MYT1: variants seen among roughly 807,000 people sequenced by gnomAD.
MYT1 encodes myelin transcription factor I.
In MYT1, 23 loss-of-function variants were observed where a neutral mutation model predicts 123.0. That is an observed-to-expected ratio of 0.19 (90% CI 0.13 to 0.26). The LOEUF (loss-of-function observed/expected upper bound fraction) is 0.26. Ranked by LOEUF, MYT1 falls within the 10% of genes least tolerant of loss-of-function variation. The pLI is 1.00. For synonymous variants in MYT1, 518 were observed against 575.3 expected, an observed-to-expected ratio of 0.90 and a Z score of 1.43; for missense variants, 1,125 against 1,472.5, an observed-to-expected ratio of 0.76 and a Z score of 3.86.
Position 64,193,856 on chromosome 20 carries a change from C to G in MYT1, c.-1+3696C>G, listed in dbSNP as rs987281302. ...TTTAAAGAATAGTTGTAAGTCCATT[C>G]TAATTCTCCAGATTTGCTGGCTGTC... On this transcript the variant is annotated intron_variant, in intron 2 of 22. Transcript: ENST00000328439. The surrounding 1 kb of genome is among the most constrained non-coding windows in gnomAD (Gnocchi z 4.0). Among the ~76,000 whole-genome samples, 40 of 152,088 alleles carry G rather than the reference C, an allele frequency of 2.6e-4. No homozygotes were observed. Among genetic ancestry groups the G allele is most frequent in the Admixed American group, 1.9e-3 (29 of 15,262 alleles).
rs144093789 is a variant in MYT1 at position 64,240,420 on chromosome 20, A to T, written c.3338A>T (p.Lys1113Met). 6.2e-7 allele frequency: 1 copy of T among 1,613,740 alleles called. No individual in the cohort carries two copies. The highest frequency in any genetic ancestry group is 1.1e-5 in the South Asian group (1 of 91,070). ...PENKDLLESI[K>M]QAVRGIQV ...AACAAGGACCTCCTGGAGAGCATCA[A>T]GCAGGCTGTGAGGGGCATCCAGGTC... Residue 1113 changes from lysine (K) to methionine (M), a missense_variant, in exon 23 of 23, where the codon AAG becomes ATG. By Grantham distance (95) the Lys-to-Met change is moderately conservative (BLOSUM62 -1). Coordinates refer to ENST00000328439, the MANE Select transcript of MYT1 (RefSeq NM_004535.3).
At chr20:64,224,944 G>A (rs1206118162) in intron 16 of MYT1, among the ~76,000 whole-genome samples, 1 of 152,204 alleles carries the variant, frequency 6.6e-6, no homozygotes, top group Non-Finnish European at 1.5e-5. Context: ...GGCCGTCTGG[G>A]AGAGTTAGTG....
chr20:64,227,995 T>A (rs771099668), intron 18 of MYT1, 24 bp downstream of exon 18: 1 of 1,604,804 alleles, frequency 6.2e-7, no homozygotes, highest in Non-Finnish European at 8.5e-7. Context: ...TGCTGGCTCT[T>A]TCATTGCATT....
At chr20:64,220,437 C>T (rs892142654) in intron 13 of MYT1, among the ~76,000 whole-genome samples, 5 of 152,206 alleles carry the variant, frequency 3.3e-5, no homozygotes, top group South Asian at 2.1e-4. Flanking sequence ...GGCTTAGGAT[C>T]GCCCATGGTG....
At chr20:64,214,989 C>A (rs1199880168) in intron 10 of MYT1, among the ~76,000 whole-genome samples, 1 of 152,212 alleles carries the variant, frequency 6.6e-6, no homozygotes, top group African/African-American at 2.4e-5. Context: ...GACTTGCCTT[C>A]CTGCTCTGTG....
intron 19 of MYT1, among the ~76,000 whole-genome samples, chr20:64,234,932 A>T (rs142732827): frequency 0.056 from 3,920 of 69,418 alleles, 210 homozygotes; most frequent in African/African-American, 0.21. Context: ...TTGGCTGGCC[A>T]TGGTGGGTGA....
At chr20:64,198,722 C>T in intron 2 of MYT1, 140 bp from the exon 3 acceptor site, 1 of 833,324 alleles carries the variant, frequency 1.2e-6, no homozygotes, top group Non-Finnish European at 2.0e-6. Flanking sequence ...GTCCTGTGAG[C>T]CCATCCTTGT....
chr20:64,198,592 A>G (rs1274850456), intron 2 of MYT1, among the ~76,000 whole-genome samples: 1 of 152,216 alleles, frequency 6.6e-6, no homozygotes, highest in Non-Finnish European at 1.5e-5. Context: ...ACCTGGGGGC[A>G]CGGTGCACTG....
At position 64,169,208 on chromosome 20, in the gene MYT1, A is replaced by C. The variant is rs139459928; in HGVS notation, c.-99+4469A>C. Among the ~76,000 whole-genome samples the C allele has an allele frequency of 2.9e-3, 445 of 152,128 alleles. 4 individuals carry two copies. The highest frequency in any genetic ancestry group is 0.025 in the South Asian group (121 of 4,792). ...AGGAGAGTGGGAGTTTGGATGCTCCATGGTGCACCAAGGCCTGCTTTAGAA... is the reference window on the plus strand; with the variant it reads ...AGGAGAGTGGGAGTTTGGATGCTCCCTGGTGCACCAAGGCCTGCTTTAGAA... On this transcript the variant is annotated intron_variant, in intron 1 of 22. Coordinates refer to ENST00000328439, the MANE Select transcript of MYT1 (RefSeq NM_004535.3).
chr20:64,208,090 GGAA>G lies in MYT1; in HGVS notation c.897_899del (p.Glu306del). On this transcript the variant is annotated inframe_deletion, in exon 7 of 23. Transcript: ENST00000328439. This position sits in a 1 kb window ranked among gnomAD's most constrained non-coding sequence, Gnocchi z 5.4. ...AGGAAGAGGAAGAGGAGGAGGAAGAGGAAGAGGAAGAGGAGGAGGAGGAGGCAG... is the reference window on the plus strand; with the variant it reads ...AGGAAGAGGAAGAGGAGGAGGAAGAGGAGGAAGAGGAGGAGGAGGAGGCAG... 27 of 1,608,944 alleles carry G rather than the reference GGAA, an allele frequency of 1.7e-5. No individual in the cohort carries two copies. The highest frequency in any genetic ancestry group is 2.3e-5 in the Non-Finnish European group (27 of 1,177,986).
intron 1 of MYT1, among the ~76,000 whole-genome samples, chr20:64,178,237 C>T (rs907274457): frequency 6.6e-6 from 1 of 152,220 alleles, no homozygotes; most frequent in Non-Finnish European, 1.5e-5. Context: ...TTCTCCTGAG[C>T]GTTTGAGAGC....
intron 18 of MYT1, among the ~76,000 whole-genome samples, chr20:64,230,949 G>A (rs773822919): frequency 5.3e-5 from 8 of 152,164 alleles, no homozygotes; most frequent in East Asian, 1.9e-4. Context: ...GGAGCCGGAC[G>A]CTGCCCTCCC....
intron 13 of MYT1, among the ~76,000 whole-genome samples, chr20:64,220,248 A>T (rs540696166): frequency 7.2e-5 from 11 of 152,328 alleles, no homozygotes; most frequent in Admixed American, 7.2e-4. Flanking sequence ...CCTGTGGAGC[A>T]TGGTGGCCAG....
chr20:64,188,963 G>A (rs1031468660), intron 1 of MYT1, among the ~76,000 whole-genome samples: 1 of 152,202 alleles, frequency 6.6e-6, no homozygotes, highest in Non-Finnish European at 1.5e-5. Flanking sequence ...GTATTAGGCT[G>A]TCTCCTTGAC....
intron 1 of MYT1, among the ~76,000 whole-genome samples, chr20:64,181,567 A>G (rs1387010347): frequency 1.3e-5 from 2 of 152,190 alleles, no homozygotes; most frequent in Non-Finnish European, 2.9e-5. Flanking sequence ...GGGCTGGGCC[A>G]TATCTGCCCT....
At chr20:64,183,180 G>A (rs189572084) in intron 1 of MYT1, among the ~76,000 whole-genome samples, 48 of 152,324 alleles carry the variant, frequency 3.2e-4, no homozygotes, top group African/African-American at 1.1e-3. Flanking sequence ...TGAACACGAA[G>A]TTTTTGAGAT....
chr20:64,193,403 C>A lies in MYT1; in HGVS notation c.-1+3243C>A, dbSNP rs967378446. Among the ~76,000 whole-genome samples, 1 of 152,134 alleles carries A rather than the reference C, an allele frequency of 6.6e-6. No homozygotes were observed. The highest frequency in any genetic ancestry group is 2.4e-5 in the African/African-American group (1 of 41,428). On this transcript the variant is annotated intron_variant, in intron 2 of 22. Coordinates refer to ENST00000328439, the MANE Select transcript of MYT1 (RefSeq NM_004535.3). This position sits in a 1 kb window ranked among gnomAD's most constrained non-coding sequence, Gnocchi z 4.0. ...CCTCCTGGGATACTCGGGAGGGGAG[C>A]AACACAAATGCTTGAATGCTGCTCT... is the stretch of plus-strand genomic sequence containing the variant.
Position 64,232,322 on chromosome 20 carries a change from C to T in MYT1, c.2834C>T (p.Thr945Ile), listed in dbSNP as rs1984345141. ...SWKSLKNEGP[T>I]CPTPGCDGSG... ...AAGTCCCTGAAGAATGAAGGACCGA[C>T]CTGCCCCACCCCGGGCTGTGACGGC... Residue 945 changes from threonine to isoleucine, a missense_variant, in exon 19 of 23, where the codon ACC becomes ATC. Physicochemically the swap from Thr to Ile is moderately conservative, Grantham distance 89. Transcript: ENST00000328439. This position sits in a 1 kb window ranked among gnomAD's most constrained non-coding sequence, Gnocchi z 6.9. The T allele has an allele frequency of 6.2e-7, 1 of 1,613,044 alleles. No individual in the cohort carries two copies. Among genetic ancestry groups the T allele is most frequent in the Non-Finnish European group, 8.5e-7 (1 of 1,180,006 alleles).
rs1459118180 is a variant in MYT1 at position 64,205,573 on chromosome 20, C to T, written c.170C>T (p.Ala57Val). Reference sequence around the variant, plus strand: ...CCCAGTTTACAGAGCTGCCCCCTGGCCAAGAAGAGGAAGCTGGAGGGCGCT... The same window carrying T: ...CCCAGTTTACAGAGCTGCCCCCTGGTCAAGAAGAGGAAGCTGGAGGGCGCT... ...RHRSLQSCPLAKKRKLEGAEA... is the reference protein window; with the variant it reads ...RHRSLQSCPLVKKRKLEGAEA... Residue 57 changes from alanine (A) to valine (V), a missense_variant, in exon 6 of 23, where the codon GCC (alanine) becomes GTC (valine). Ala to Val is a moderately conservative substitution (Grantham distance 64). This residue lies in a region of MYT1 where 406 missense variants were observed against 432.2 expected (regional missense o/e 0.94). Coordinates refer to ENST00000328439, the MANE Select transcript of MYT1 (RefSeq NM_004535.3). The T allele has an allele frequency of 6.2e-7, 1 of 1,614,022 alleles. No homozygotes were observed. Among genetic ancestry groups the T allele is most frequent in the South Asian group, 1.1e-5 (1 of 91,072 alleles).
Sources: allele counts gnomAD v4.1 joint callset (sites outside exome capture counted in the v4.1 genomes callset), GRCh38; gene constraint gnomAD v4.1.1; regional missense constraint gnomAD v4.1.1; non-coding constraint Gnocchi (gnomAD v3.1); transcripts MANE v1.5; gene names NCBI Gene and HGNC (gene_info 2026-07-23, HGNC 2026-07-21).